The following CAMTA1 variants were observed in gnomAD, a reference collection of about 807,000 sequenced individuals.
CAMTA1 encodes calmodulin-binding transcription activator 1.
A neutral mutation model predicts 170.9 loss-of-function variants in CAMTA1; 27 were observed. The ratio of observed to expected loss-of-function variants is 0.16; its 90% CI spans 0.12 to 0.22. The LOEUF is 0.22. CAMTA1 is among the 10% of genes least tolerant of loss of function. CAMTA1 has a pLI of 1.00. For missense variants in CAMTA1, 1,619 were observed against 2,217.2 expected (o/e 0.73, Z 5.42); for synonymous variants, 833 against 891.5 (o/e 0.93, Z 1.17).
chr1:7,689,233 C>T (rs971454585), intron 11 of CAMTA1, among the ~76,000 whole-genome samples: 5 of 138,180 alleles, frequency 3.6e-5, no homozygotes, highest in African/African-American at 1.1e-4. Flanking sequence ...CACCATTGCA[C>T]TCCAACCTGG....
chr1:7,274,395 C>G (rs1433234511), intron 5 of CAMTA1, among the ~76,000 whole-genome samples: 3 of 152,238 alleles, frequency 2.0e-5, no homozygotes, highest in Non-Finnish European at 4.4e-5. Flanking sequence ...AGGGTCAGTC[C>G]GTTAGGAAAA....
At chr1:7,352,596 C>A (rs1326497381) in intron 5 of CAMTA1, among the ~76,000 whole-genome samples, 1 of 152,186 alleles carries the variant, frequency 6.6e-6, no homozygotes, top group East Asian at 1.9e-4. Context: ...GGGCCCCTTT[C>A]CAGGAAAGGG....
chr1:7,079,484 T>G (rs201229149), intron 3 of CAMTA1, among the ~76,000 whole-genome samples: 1 of 149,984 alleles, frequency 6.7e-6, no homozygotes, highest in African/African-American at 2.5e-5. Flanking sequence ...TTTTTTTTTC[T>G]TTTTTAAAGA....
At chr1:7,259,494 G>A (rs982425298) in intron 5 of CAMTA1, among the ~76,000 whole-genome samples, 2 of 152,172 alleles carry the variant, frequency 1.3e-5, no homozygotes, top group African/African-American at 2.4e-5. Context: ...TGAGCCCCAG[G>A]TGGTTCACAC....
At chr1:7,109,214 T>A (rs1475075231) in intron 4 of CAMTA1, among the ~76,000 whole-genome samples, 4 of 152,220 alleles carry the variant, frequency 2.6e-5, no homozygotes, top group African/African-American at 7.2e-5. Context: ...AGACATTAAG[T>A]CCAGCTCCTG....
chr1:7,537,613 G>A (rs1370309485), intron 6 of CAMTA1, among the ~76,000 whole-genome samples: 1 of 152,212 alleles, frequency 6.6e-6, no homozygotes, highest in Non-Finnish European at 1.5e-5. Flanking sequence ...GAAGGGCATC[G>A]GGATACAGGA....
intron 11 of CAMTA1, among the ~76,000 whole-genome samples, chr1:7,677,957 T>G (rs983374128): frequency 4.6e-5 from 7 of 152,214 alleles, no homozygotes; most frequent in African/African-American, 1.4e-4. Context: ...TCTCAGTCTC[T>G]CCCTGGGACA....
chr1:6,786,189 G>T (rs1639268539), intron 1 of CAMTA1, among the ~76,000 whole-genome samples: 1 of 151,858 alleles, frequency 6.6e-6, no homozygotes, highest in Admixed American at 6.5e-5. Context: ...GCTTCTCCCC[G>T]CCAGGGGGAC....
At chr1:7,431,196 A>C (rs952328018) in intron 5 of CAMTA1, among the ~76,000 whole-genome samples, 1 of 152,222 alleles carries the variant, frequency 6.6e-6, no homozygotes, top group Non-Finnish European at 1.5e-5. Context: ...AAACTGTTCC[A>C]ACAGTCCCAA....
At chr1:6,827,347 C>T (rs1032086123) in intron 3 of CAMTA1, among the ~76,000 whole-genome samples, 2 of 152,312 alleles carry the variant, frequency 1.3e-5, no homozygotes, top group East Asian at 3.9e-4. Flanking sequence ...ATTGTCAGCT[C>T]AGCTGACAAA....
intron 4 of CAMTA1, among the ~76,000 whole-genome samples, chr1:7,101,875 C>A (rs1274772344): frequency 1.3e-5 from 2 of 152,206 alleles, no homozygotes; most frequent in Non-Finnish European, 1.5e-5. Context: ...GCAATACAGA[C>A]ACGGAGCATA....
chr1:7,530,907 C>T (rs984210278), intron 6 of CAMTA1, among the ~76,000 whole-genome samples: 5 of 150,882 alleles, frequency 3.3e-5, no homozygotes, highest in African/African-American at 7.3e-5. Context: ...CTCTGCCTCC[C>T]GGGTTCAAGC....
At chr1:6,807,322 A>G (rs1422776336) in intron 1 of CAMTA1, among the ~76,000 whole-genome samples, 1 of 152,224 alleles carries the variant, frequency 6.6e-6, no homozygotes, top group African/African-American at 2.4e-5. Flanking sequence ...TGTCCCTTAA[A>G]TGCCTTGTGG....
intron 7 of CAMTA1, among the ~76,000 whole-genome samples, chr1:7,651,870 A>G (rs2095850451): frequency 6.6e-6 from 1 of 152,226 alleles, no homozygotes; most frequent in African/African-American, 2.4e-5. Context: ...CCGGTCTCCC[A>G]CTGTTTCTAA....
At chr1:7,645,848 G>A (rs961077495) in intron 7 of CAMTA1, among the ~76,000 whole-genome samples, 1 of 152,266 alleles carries the variant, frequency 6.6e-6, no homozygotes, top group Non-Finnish European at 1.5e-5. Flanking sequence ...GCTTCTGCAC[G>A]GGCACACGAC....
At position 7,050,515 on chromosome 1, in the gene CAMTA1, GGA is replaced by G. The variant is rs1558026062; in HGVS notation, c.235-40787_235-40786del. Among the ~76,000 whole-genome samples, 4 of 152,038 alleles carry G rather than the reference GGA, an allele frequency of 2.6e-5. No individual in the cohort carries two copies. Among genetic ancestry groups the G allele is most frequent in the African/African-American group, 7.2e-5 (3 of 41,406 alleles). On this transcript the variant is annotated intron_variant, in intron 3 of 22. Coordinates refer to ENST00000303635, the MANE Select transcript of CAMTA1 (RefSeq NM_015215.4). The surrounding 1 kb of genome is among the most constrained non-coding windows in gnomAD (Gnocchi z 4.8). ...TGCATCAAACACATCGCGGGGGTGT[GGA>G]GTCTAGGGCTGAAGTCACGGGGTAG...
At chr1:7,290,094 T>C (rs1303218825) in intron 5 of CAMTA1, among the ~76,000 whole-genome samples, 1 of 152,224 alleles carries the variant, frequency 6.6e-6, no homozygotes, top group Non-Finnish European at 1.5e-5. Flanking sequence ...GAGACTGATA[T>C]AGTGGGGAAC....
intron 4 of CAMTA1, among the ~76,000 whole-genome samples, chr1:7,207,491 C>G (rs74051184): frequency 6.6e-5 from 10 of 152,096 alleles, no homozygotes; most frequent in Admixed American, 1.3e-4. Flanking sequence ...AATGTATATA[C>G]CACCTAAAAA....
intron 4 of CAMTA1, among the ~76,000 whole-genome samples, chr1:7,232,197 G>A (rs1377637484): frequency 6.6e-6 from 1 of 152,198 alleles, no homozygotes; most frequent in Admixed American, 6.5e-5. Context: ...CACGTGGTTG[G>A]CCAGCAGATG....
Sources: allele counts gnomAD v4.1 joint callset (sites outside exome capture counted in the v4.1 genomes callset), GRCh38; gene constraint gnomAD v4.1.1; non-coding constraint Gnocchi (gnomAD v3.1); transcripts MANE v1.5; gene names NCBI Gene and HGNC (gene_info 2026-07-23, HGNC 2026-07-21).